Variants in RHOBTB1 observed in about 807,000 individuals in gnomAD.
RHOBTB1 encodes the protein rho-related BTB domain-containing protein 1.
In RHOBTB1, 40 loss-of-function variants were observed where a neutral mutation model predicts 71.6. That is an observed-to-expected ratio of 0.56 (90% CI 0.43 to 0.73). The LOEUF (loss-of-function observed/expected upper bound fraction) is 0.73, where lower values mean the gene tolerates loss of function less well. Ranked by LOEUF, RHOBTB1 falls within the 30% of genes least tolerant of loss-of-function variation. The probability of loss-of-function intolerance (pLI) is 0.00; values close to 1 mark genes in which losing one functional copy is unlikely to be tolerated. For synonymous variants in RHOBTB1, 319 were observed against 334.9 expected, an observed-to-expected ratio of 0.95 and a Z score of 0.52; for missense variants, 797 against 894.0, an observed-to-expected ratio of 0.89 and a Z score of 1.38.
chr10:60,888,373 C>A lies in RHOBTB1; in HGVS notation c.1295G>T (p.Gly432Val). Residue 432 changes from glycine (G) to valine (V), a missense_variant, in exon 6 of 11, where the codon GGC (glycine) becomes GTC (valine). Physicochemically the swap from Gly to Val is moderately radical, Grantham distance 109. This residue lies in a region of RHOBTB1 where 658 missense variants were observed against 681.5 expected (regional missense o/e 0.97). Coordinates refer to ENST00000337910, the MANE Select transcript of RHOBTB1 (RefSeq NM_014836.5). ...GAGGACCTCTGCGATCTGAGCCAGG[C>A]CCACCAAATCCTTTTCCTTTTCATC... The part of the protein sequence containing the change: ...QLDEKEKDLV[G>V]LAQIAEVLEM... 6.2e-7 allele frequency: 1 copy of A among 1,614,140 alleles called. No individual in the cohort carries two copies. Among genetic ancestry groups the A allele is most frequent in the Non-Finnish European group, 8.5e-7 (1 of 1,180,002 alleles).
upstream of RHOBTB1, among the ~76,000 whole-genome samples, chr10:60,944,524 G>C (rs572189836): frequency 6.6e-6 from 1 of 152,160 alleles, no homozygotes; most frequent in East Asian, 2.0e-4. Context: ...CCCTTTCCCC[G>C]CGCTGCCGGG....
At chr10:60,893,105 T>TAAA in intron 4 of RHOBTB1, 110 bp from the exon 5 acceptor site, 2 of 632,270 alleles carry the variant, frequency 3.2e-6, no homozygotes, top group Non-Finnish European at 5.1e-6. Flanking sequence ...ATGTCACAAT[T>TAAA]AAAAAAAAAA....
intron 2 of RHOBTB1, among the ~76,000 whole-genome samples, chr10:60,920,665 TTTTGA>T (rs1400210523): frequency 6.6e-6 from 1 of 151,858 alleles, no homozygotes; most frequent in African/African-American, 2.4e-5. Context: ...TTTTGTTTTG[TTTTGA>T]GTCAAAGCTT....
chr10:60,913,040 T>C (rs374825196), intron 2 of RHOBTB1: 25 of 152,286 alleles, frequency 1.6e-4, no homozygotes, highest in African/African-American at 5.5e-4. Flanking sequence ...TAATACATAA[T>C]TGGGACTCAA....
At chr10:60,914,235 T>C (rs1260587208) in intron 2 of RHOBTB1, among the ~76,000 whole-genome samples, 1 of 152,090 alleles carries the variant, frequency 6.6e-6, no homozygotes, top group Non-Finnish European at 1.5e-5. Flanking sequence ...AATGAGAAGA[T>C]AATAGAGTTG....
chr10:60,875,628 TGAG>T (rs2081015458), intron 8 of RHOBTB1, among the ~76,000 whole-genome samples: 3 of 152,188 alleles, frequency 2.0e-5, no homozygotes, highest in Non-Finnish European at 4.4e-5. Context: ...GACAGAGGAA[TGAG>T]TCTATTTGAG....
chr10:60,931,814 G>GACACA (rs1483874009), intron 2 of RHOBTB1, among the ~76,000 whole-genome samples: 1 of 152,058 alleles, frequency 6.6e-6, no homozygotes, highest in Non-Finnish European at 1.5e-5. Context: ...CTGAGTATCA[G>GACACA]ACACAGAAAT....
intron 2 of RHOBTB1, among the ~76,000 whole-genome samples, chr10:60,980,693 A>C (rs1482747104): frequency 6.6e-6 from 1 of 152,232 alleles, no homozygotes; most frequent in Non-Finnish European, 1.5e-5. Flanking sequence ...TGGGGAATAA[A>C]GAAAAAGGAA....
intron 2 of RHOBTB1, among the ~76,000 whole-genome samples, chr10:60,932,007 A>G (rs936222992): frequency 6.6e-6 from 1 of 152,196 alleles, no homozygotes; most frequent in Non-Finnish European, 1.5e-5. Context: ...GTGGCAATCA[A>G]TTGTAGTTAA....
At chr10:60,966,531 T>C (rs2085964946) in intron 2 of RHOBTB1, among the ~76,000 whole-genome samples, 1 of 151,842 alleles carries the variant, frequency 6.6e-6, no homozygotes, top group African/African-American at 2.4e-5. Context: ...AGTTGGAAAC[T>C]ATAATGAAGA....
rs188677403 is a variant in RHOBTB1, at chr10:60,869,766, A to G, written c.*1716T>C. 1 of 152,582 alleles carries G rather than the reference A, an allele frequency of 6.6e-6. No homozygotes were observed. The highest frequency in any genetic ancestry group is 6.5e-5 in the Admixed American group (1 of 15,288). 9.5% of individuals were successfully genotyped at this position (152,582 alleles called of 1,614,324 possible). On this transcript the variant is annotated 3_prime_UTR_variant, in exon 11 of 11. Transcript: ENST00000337910. ...CTTTCTCCTTCCATCGATAAGATTT[A>G]CAAGCCTATTGAAAATAATTAAGAT...
rs1464070860 is a variant in RHOBTB1, at chr10:60,907,620, C to A, written c.296+3267G>T. 2.6e-5 allele frequency among the ~76,000 whole-genome samples: 4 copies of A among 152,196 alleles called. No homozygotes were observed. In the East Asian group the frequency reaches 7.7e-4, roughly 29 times the overall value. On this transcript the variant is annotated intron_variant, in intron 4 of 10. Transcript: ENST00000337910. ...ACTCATGCTACTCTGTTTCCTTCAT[C>A]TCCATGGAATAGAAGGGCTCCTATC...
At chr10:60,901,777 A>C (rs2082424511) in intron 4 of RHOBTB1, among the ~76,000 whole-genome samples, 1 of 152,254 alleles carries the variant, frequency 6.6e-6, no homozygotes, top group African/African-American at 2.4e-5. Context: ...TAATAGAAAA[A>C]AAGTAAAAGG....
chr10:60,993,441 A>T (rs1205669212), intron 1 of RHOBTB1, among the ~76,000 whole-genome samples: 1 of 152,184 alleles, frequency 6.6e-6, no homozygotes, highest in Non-Finnish European at 1.5e-5. Context: ...ATACATATGC[A>T]TATATTCATG....
At chr10:60,971,102 T>G (rs1476979825) in intron 2 of RHOBTB1, among the ~76,000 whole-genome samples, 4 of 152,044 alleles carry the variant, frequency 2.6e-5, no homozygotes, top group Non-Finnish European at 5.9e-5. Flanking sequence ...TTAATAATAA[T>G]AACATGAGCA....
chr10:60,971,969 C>T (rs1489099525), intron 2 of RHOBTB1, among the ~76,000 whole-genome samples: 1 of 152,008 alleles, frequency 6.6e-6, no homozygotes, highest in Non-Finnish European at 1.5e-5. Context: ...TAGAGAAATG[C>T]AAATCAAAAC....
At chr10:60,864,487 TAAC>T (rs2080628758), downstream of RHOBTB1, among the ~76,000 whole-genome samples, 3 of 152,168 alleles carry the variant, frequency 2.0e-5, no homozygotes, top group Admixed American at 2.0e-4. Flanking sequence ...AAGTGCATCT[TAAC>T]ATGCCTGAGA....
intron 7 of RHOBTB1, among the ~76,000 whole-genome samples, chr10:60,879,702 T>C (rs995404177): frequency 6.6e-6 from 1 of 152,100 alleles, no homozygotes; most frequent in African/African-American, 2.4e-5. Flanking sequence ...TATAAAGATA[T>C]ATATCTATAT....
At chr10:60,874,899 C>T (rs1439170457) in intron 9 of RHOBTB1, 55 bp downstream of exon 9, 2 of 1,170,898 alleles carry the variant, frequency 1.7e-6, no homozygotes, top group Non-Finnish European at 2.6e-6. Flanking sequence ...GTTTTATCAG[C>T]ATTAAATGAA....
Sources: allele counts gnomAD v4.1 joint callset (sites outside exome capture counted in the v4.1 genomes callset), GRCh38; gene constraint gnomAD v4.1.1; regional missense constraint gnomAD v4.1.1; transcripts MANE v1.5; gene names NCBI Gene and HGNC (gene_info 2026-07-23, HGNC 2026-07-21).